The following TRIP11 variants were observed in gnomAD, a reference collection of about 807,000 sequenced individuals.
TRIP11 encodes thyroid hormone receptor interactor 11, also known as thyroid receptor-interacting protein 11.
In TRIP11, 148 loss-of-function variants were observed where a neutral mutation model predicts 223.1. The ratio of observed to expected loss-of-function variants is 0.66; its 90% CI spans 0.58 to 0.76. The LOEUF is 0.76. Among genes scored for constraint, TRIP11 ranks in the 30% least tolerant of loss-of-function variants. TRIP11 has a pLI of 0.00. For missense variants in TRIP11, 2,043 were observed against 2,222.0 expected (o/e 0.92, Z 1.62); for synonymous variants, 762 against 772.6 (o/e 0.99, Z 0.23).
intron 2 of TRIP11, among the ~76,000 whole-genome samples, 153 bp downstream of exon 2, chr14:92,033,039 A>G (rs1350661761): frequency 6.6e-6 from 1 of 152,196 alleles, no homozygotes; most frequent in East Asian, 1.9e-4. Context: ...CATCTACAGA[A>G]GGTTGATAAA....
intron 20 of TRIP11, among the ~76,000 whole-genome samples, chr14:91,970,281 C>T (rs1191769396): frequency 3.3e-5 from 5 of 152,138 alleles, no homozygotes; most frequent in African/African-American, 9.6e-5. Flanking sequence ...GGCATGGTGG[C>T]GGGCGCCTGT....
rs886050914 is a variant in TRIP11 at position 92,040,020 on chromosome 14, C to A, written c.-335G>T. The stretch of plus-strand genomic sequence containing the variant: ...GTGGGTTACTCCTGCCAACTCGACG[C>A]CGGCCGCCATGACACTCGCTCGGAA... On this transcript the variant is annotated 5_prime_UTR_variant, in exon 1 of 21. Coordinates refer to ENST00000267622, the MANE Select transcript of TRIP11 (RefSeq NM_004239.4). 4.6e-6 allele frequency: 2 copies of A among 430,360 alleles called. No homozygotes were observed. Among genetic ancestry groups the A allele is most frequent in the African/African-American group, 3.9e-5 (2 of 50,968 alleles). 26.7% of individuals were successfully genotyped at this position (430,360 alleles called of 1,614,324 possible).
intron 1 of TRIP11, among the ~76,000 whole-genome samples, chr14:92,038,769 T>A (rs968588582): frequency 6.6e-6 from 1 of 152,232 alleles, no homozygotes; most frequent in African/African-American, 2.4e-5. Context: ...AAAACTGTTT[T>A]GATCCAAACA....
rs768995835 is a variant in TRIP11, at chr14:92,005,338, C to T, written c.2638G>A (p.Ala880Thr). The T allele has an allele frequency of 1.2e-5, 19 of 1,614,022 alleles. No homozygotes were observed. The East Asian group carries it at 1.3e-4, about 11-fold the overall frequency. ...ERLREEQSRT[A>T]PVADPKTLDS... ...AGGGTTTTAGGGTCAGCCACAGGTG[C>T]GGTTCGACTCTGCTCTTCCCTGAGT... Residue 880 changes from alanine to threonine, a missense_variant, in exon 11 of 21, where the codon GCA (alanine) becomes ACA (threonine). By Grantham distance (58) the Ala-to-Thr change is moderately conservative. Transcript: ENST00000267622.
intron 2 of TRIP11, among the ~76,000 whole-genome samples, chr14:92,027,951 C>T (rs933962606): frequency 1.3e-5 from 2 of 152,172 alleles, no homozygotes; most frequent in African/African-American, 4.8e-5. Context: ...TAACACAGAC[C>T]TTAATTATCC....
chr14:92,002,820 A>AT (rs1025735412), intron 11 of TRIP11, among the ~76,000 whole-genome samples: 1 of 151,980 alleles, frequency 6.6e-6, no homozygotes, highest in Non-Finnish European at 1.5e-5. Flanking sequence ...ACCTCAGGTG[A>AT]TCCACCCACC....
At chr14:92,014,797 T>C (rs2057015518) in intron 6 of TRIP11, among the ~76,000 whole-genome samples, 2 of 152,176 alleles carry the variant, frequency 1.3e-5, no homozygotes, top group African/African-American at 4.8e-5. Flanking sequence ...AAAGTGATAA[T>C]ATCTCTAATC....
chr14:92,024,236 G>A (rs2057150970), intron 3 of TRIP11, among the ~76,000 whole-genome samples: 1 of 152,074 alleles, frequency 6.6e-6, no homozygotes, highest in East Asian at 1.9e-4. Flanking sequence ...AAATTAGCCA[G>A]GCGTGGTAGT....
chr14:92,026,673 C>G lies in TRIP11; in HGVS notation c.202-1253G>C, dbSNP rs1407848642. 4.7e-6 allele frequency: 5 copies of G among 1,061,342 alleles called. No individual in the cohort carries two copies. The Admixed American group carries it at 6.8e-5, about 14-fold the overall frequency. 65.7% of individuals were successfully genotyped at this position (1,061,342 alleles called of 1,614,324 possible). Reference sequence around the variant, plus strand: ...AAAATGGAAGAGACGCCCCTGCTGACGAGGAAAATGGGGAGCAAGAGGCTG... The same window carrying G: ...AAAATGGAAGAGACGCCCCTGCTGAGGAGGAAAATGGGGAGCAAGAGGCTG... On this transcript the variant is annotated intron_variant, in intron 2 of 20. Transcript: ENST00000267622.
rs1478070972 is a variant in TRIP11 at position 91,968,016 on chromosome 14, T to C, written c.*1657A>G. The C allele has an allele frequency of 5.0e-6, 1 of 200,726 alleles. No homozygotes were observed. The highest frequency in any genetic ancestry group is 1.0e-5 in the Non-Finnish European group (1 of 97,498). The allele number at this position is 200,726 out of a possible 1,614,324, so 12.4% of individuals were successfully genotyped here. A position where few individuals can be genotyped will look rare whatever the true frequency, so the allele number is the denominator to read the frequency against. On this transcript the variant is annotated 3_prime_UTR_variant, in exon 21 of 21. Coordinates refer to ENST00000267622, the MANE Select transcript of TRIP11 (RefSeq NM_004239.4). Reference sequence around the variant, plus strand: ...AGATACAAGACATTCTGAAGCAGCATTTTCAGTTACTTCATTTTTCAGAAA... The same window carrying C: ...AGATACAAGACATTCTGAAGCAGCACTTTCAGTTACTTCATTTTTCAGAAA...
chr14:91,991,287 G>C (rs1367004699), intron 15 of TRIP11, among the ~76,000 whole-genome samples: 1 of 152,116 alleles, frequency 6.6e-6, no homozygotes, highest in South Asian at 2.1e-4. Flanking sequence ...ATGTAGCAAG[G>C]AGGTTTACCA....
rs1464878316 is a variant in TRIP11, at chr14:92,004,774, T to C, written c.3202A>G (p.Ile1068Val). Residue 1068 changes from isoleucine (I) to valine (V), a missense_variant, in exon 11 of 21, where the codon ATA becomes GTA. Transcript: ENST00000267622. ...GAAATTCTAGCATGAAGAGCTTGTA[T>C]CTCCAAATCTTTCTGCTGAATAATC... ...TQIIQQKDLEIQALHARISST... is the reference protein window; with the variant it reads ...TQIIQQKDLEVQALHARISST... The C allele has an allele frequency of 2.5e-6, 4 of 1,614,158 alleles. No homozygotes were observed. Among genetic ancestry groups the C allele is most frequent in the Admixed American group, 1.7e-5 (1 of 60,026 alleles).
At chr14:91,976,272 T>C (rs1201060591) in intron 16 of TRIP11, 83 bp from the exon 17 acceptor site, 2 of 1,120,192 alleles carry the variant, frequency 1.8e-6, no homozygotes, top group African/African-American at 1.5e-5. Flanking sequence ...TATGAGATCT[T>C]TATTATAACC....
Position 91,966,623 on chromosome 14 carries a change from G to A in TRIP11, c.*3050C>T, listed in dbSNP as rs2056344417. On this transcript the variant is annotated 3_prime_UTR_variant, in exon 21 of 21. Coordinates refer to ENST00000267622, the MANE Select transcript of TRIP11 (RefSeq NM_004239.4). ...CTAAGGCTTTATTTGGGGAGATACT[G>A]GACGTTTTAATTGACTAGTTGGAAA... 4.6e-6 allele frequency: 1 copy of A among 215,186 alleles called. No homozygotes were observed. Among genetic ancestry groups the A allele is most frequent in the Non-Finnish European group, 9.4e-6 (1 of 106,728 alleles). The allele number at this position is 215,186 out of a possible 1,614,324, so 13.3% of individuals were successfully genotyped here. A position where few individuals can be genotyped will look rare whatever the true frequency, so the allele number is the denominator to read the frequency against.
In TRIP11 at chr14:92,006,110, T is replaced by C. The variant is rs2056898969; in HGVS notation, c.1866A>G (p.Arg622=). The C allele has an allele frequency of 6.2e-7, 1 of 1,606,988 alleles. No homozygotes were observed. Among genetic ancestry groups the C allele is most frequent in the Admixed American group, 1.7e-5 (1 of 58,884 alleles). ...GAGACTGCATTAACTCATTCCTTAT[T>C]CTAGAAAGCTCCTCCTCATTTTGTC... ...HIRQNEEELS[R]IRNELMQSLN... The change falls in exon 11 of 21, where the codon AGA becomes AGG. Residue 622 remains arginine (R), a synonymous_variant. Transcript: ENST00000267622.
rs1041990456 is a variant in TRIP11 at position 91,976,124 on chromosome 14, C to T, written c.5326G>A (p.Glu1776Lys). 19 of 1,612,362 alleles carry T rather than the reference C, an allele frequency of 1.2e-5. No homozygotes were observed. Among genetic ancestry groups the T allele is most frequent in the Non-Finnish European group, 1.6e-5 (19 of 1,179,718 alleles). ...AAAGCATACTTGTCTACTTTTCCTT[C>T]TGAGCTGTTTGCTAAGCTCATCAAT... ...KKLMSLANSS[E>K]GKVDKVLMRN... is the part of the protein sequence containing the mutation. Residue 1776 changes from glutamate to lysine, a missense_variant, in exon 17 of 21, where the codon GAA becomes AAA. By Grantham distance (56) the Glu-to-Lys change is moderately conservative (BLOSUM62 1). Transcript: ENST00000267622.
chr14:91,971,768 G>A (rs2056403232), intron 20 of TRIP11, among the ~76,000 whole-genome samples: 1 of 152,016 alleles, frequency 6.6e-6, no homozygotes, highest in African/African-American at 2.4e-5. Flanking sequence ...AATTTAGCAG[G>A]CAAAACTACT....
At position 92,039,552 on chromosome 14, in the gene TRIP11, AC is replaced by A; in HGVS notation, c.133del (p.Val45TrpfsTer20). The A allele has an allele frequency of 1.9e-6, 3 of 1,613,676 alleles. No homozygotes were observed. Among genetic ancestry groups the A allele is most frequent in the Non-Finnish European group, 2.5e-6 (3 of 1,179,842 alleles). ...KDMLMEGTEEVEAELPDSRTK... is the reference protein window; with the variant it reads ...KDMLMEGTEEXEAELPDSRTK... Reference sequence around the variant, plus strand: ...TCCCTCGCTCCAGCTGTTACCTTCCACTTCCTCCGTGCCCTCCATCAGCATA... The same window carrying A: ...TCCCTCGCTCCAGCTGTTACCTTCCATTCCTCCGTGCCCTCCATCAGCATA... On this transcript the variant is annotated frameshift_variant, in exon 1 of 21. Transcript: ENST00000267622. LOFTEE classifies it high-confidence loss of function.
In TRIP11 at chr14:92,039,920, C is replaced by T. The variant is rs1339078272; in HGVS notation, c.-235G>A. ...GACACAGTCACCTACGGAGGGCCTT[C>T]TGCTCATTCCCACGAATTCCCACCG... On this transcript the variant is annotated 5_prime_UTR_variant, in exon 1 of 21. Transcript: ENST00000267622. 5.7e-6 allele frequency: 4 copies of T among 705,196 alleles called. No individual in the cohort carries two copies. Among genetic ancestry groups the T allele is most frequent in the Non-Finnish European group, 4.6e-6 (2 of 436,898 alleles). 43.7% of individuals were successfully genotyped at this position (705,196 alleles called of 1,614,324 possible). A position where few individuals can be genotyped will look rare whatever the true frequency, so the allele number is the denominator to read the frequency against.
Sources: allele counts gnomAD v4.1 joint callset (sites outside exome capture counted in the v4.1 genomes callset), GRCh38; gene constraint gnomAD v4.1.1; transcripts MANE v1.5; gene names NCBI Gene and HGNC (gene_info 2026-07-23, HGNC 2026-07-21).